GALNT14: variants seen among roughly 807,000 people sequenced by gnomAD.
GALNT14 encodes the protein UDP-GalNAc:polypeptide N-acetylgalactosaminyltransferase 14.
In GALNT14, 60 loss-of-function variants were observed where a neutral mutation model predicts 77.5. That is an observed-to-expected ratio of 0.77 (90% CI 0.63 to 0.96). The LOEUF (loss-of-function observed/expected upper bound fraction) is 0.96, where lower values mean the gene tolerates loss of function less well. Among genes scored for constraint, GALNT14 ranks in the 40% least tolerant of loss-of-function variants. The probability of loss-of-function intolerance (pLI) is 0.00; values close to 1 mark genes in which losing one functional copy is unlikely to be tolerated. For missense variants in GALNT14, 710 were observed against 731.0 expected (o/e 0.97, Z 0.33); for synonymous variants, 280 against 281.7 (o/e 0.99, Z 0.06).
At chr2:31,032,437 A>G (rs1672473297) in intron 1 of GALNT14, among the ~76,000 whole-genome samples, 1 of 152,226 alleles carries the variant, frequency 6.6e-6, no homozygotes, top group African/African-American at 2.4e-5. Context: ...CTGCAGTGAA[A>G]GGCAGGGTAT....
In GALNT14 at chr2:30,938,749, T is replaced by TA. The variant is rs1462474072; in HGVS notation, c.931+3451dup. On this transcript the variant is annotated intron_variant, in intron 9 of 14. Transcript: ENST00000349752. The stretch of plus-strand genomic sequence containing the variant: ...CTAACCCATGAAAACCAAGATGGGG[T>TA]AGGGCAAGGGCCATGTGCTATTGAG... Among the ~76,000 whole-genome samples the TA allele has an allele frequency of 6.6e-5, 10 of 152,296 alleles. No homozygotes were observed. In the East Asian group the frequency reaches 1.9e-3, roughly 29 times the overall value.
At chr2:31,011,231 G>A (rs1286960639) in intron 1 of GALNT14, among the ~76,000 whole-genome samples, 1 of 152,210 alleles carries the variant, frequency 6.6e-6, no homozygotes, top group Admixed American at 6.5e-5. Flanking sequence ...CCATTTTACG[G>A]ATCTAATGGA....
At chr2:31,059,486 G>A (rs1256011105) in intron 1 of GALNT14, among the ~76,000 whole-genome samples, 1 of 152,160 alleles carries the variant, frequency 6.6e-6, no homozygotes. Flanking sequence ...ATGGTACGAG[G>A]AGGTGGGGCC....
At chr2:30,997,740 T>A (rs1207204184) in intron 1 of GALNT14, among the ~76,000 whole-genome samples, 3 of 152,232 alleles carry the variant, frequency 2.0e-5, no homozygotes, top group African/African-American at 7.2e-5. Context: ...TGGGGTACAA[T>A]GCGATGTTTT....
intron 9 of GALNT14, among the ~76,000 whole-genome samples, chr2:30,937,976 T>C (rs1010162232): frequency 6.6e-6 from 1 of 152,128 alleles, no homozygotes; most frequent in Non-Finnish European, 1.5e-5. Context: ...GTGATGATTA[T>C]AGGATTTAAA....
intron 1 of GALNT14, among the ~76,000 whole-genome samples, chr2:31,058,279 G>A (rs1674363762): frequency 6.6e-6 from 1 of 152,092 alleles, no homozygotes. Context: ...CCGTGGGAAG[G>A]GAACCACGGC....
At chr2:30,900,934 TGGA>T in the GALNT14 span, among the ~76,000 whole-genome samples, 1 of 152,136 alleles carries the variant, frequency 6.6e-6, no homozygotes, top group South Asian at 2.1e-4. Flanking sequence ...ATCCACCAGC[TGGA>T]GGAGTGGTGA....
intron 8 of GALNT14, 133 bp from the exon 9 acceptor site, chr2:30,942,437 TC>T: frequency 1.6e-6 from 1 of 633,804 alleles, no homozygotes; most frequent in Non-Finnish European, 2.8e-6. Flanking sequence ...AAGAAAACTC[TC>T]ATTTTCTTCC....
intron 1 of GALNT14, among the ~76,000 whole-genome samples, chr2:31,128,838 G>A (rs1678830354): frequency 1.3e-5 from 2 of 152,142 alleles, no homozygotes; most frequent in South Asian, 4.2e-4. Flanking sequence ...CCCAAGCATG[G>A]GTTAAACTTG....
intron 3 of GALNT14, among the ~76,000 whole-genome samples, chr2:30,959,076 C>T (rs1667535996): frequency 6.6e-6 from 1 of 152,172 alleles, no homozygotes; most frequent in African/African-American, 2.4e-5. Flanking sequence ...TGAAGCTGTC[C>T]TGCTCATTCA....
chr2:30,901,743 A>G, the GALNT14 span, among the ~76,000 whole-genome samples: 316 of 152,198 alleles, frequency 2.1e-3, 1 homozygote, highest in African/African-American at 7.0e-3. Context: ...CACACATCAC[A>G]CCAATAAAAC....
chr2:31,023,735 T>C (rs10210300), intron 1 of GALNT14, among the ~76,000 whole-genome samples: 61,104 of 151,724 alleles, frequency 0.4, 12,472 homozygotes, highest in East Asian at 0.55. Context: ...CCCTCCCCTG[T>C]GACACTTCCC....
At chr2:31,095,280 T>C (rs1676943683) in intron 1 of GALNT14, among the ~76,000 whole-genome samples, 1 of 152,160 alleles carries the variant, frequency 6.6e-6, no homozygotes, top group Non-Finnish European at 1.5e-5. Flanking sequence ...AGTCTACAAA[T>C]TTCAACCTTG....
At chr2:31,022,852 A>T (rs1487345413) in intron 1 of GALNT14, among the ~76,000 whole-genome samples, 1 of 152,222 alleles carries the variant, frequency 6.6e-6, no homozygotes, top group Non-Finnish European at 1.5e-5. Context: ...GGATAAGTTC[A>T]TGGGAGCTTA....
chr2:30,927,723 AG>A lies in GALNT14; in HGVS notation c.1151+1671del, dbSNP rs1314902725. ...AGGTGTCATCTGCTGCCAGCGAAAG[AG>A]GGGGGTGGACTAGGGGCTGGGAAGA... On this transcript the variant is annotated intron_variant, in intron 11 of 14. Coordinates refer to ENST00000349752, the MANE Select transcript of GALNT14 (RefSeq NM_024572.4). Among the ~76,000 whole-genome samples, 3 of 152,236 alleles carry A rather than the reference AG, an allele frequency of 2.0e-5. No homozygotes were observed. The East Asian group carries it at 5.8e-4, about 29-fold the overall frequency.
In GALNT14 at chr2:31,138,139, G is replaced by A. The variant is rs1573401974; in HGVS notation, c.-53C>T. 13 of 1,611,944 alleles carry A rather than the reference G, an allele frequency of 8.1e-6. No homozygotes were observed. The highest frequency in any genetic ancestry group is 1.1e-5 in the South Asian group (1 of 90,924). On this transcript the variant is annotated 5_prime_UTR_variant, in exon 1 of 15. Coordinates refer to ENST00000349752, the MANE Select transcript of GALNT14 (RefSeq NM_024572.4). ...GCGCTACGTCCCGGGGGCACCCCCC[G>A]GCGGTCAGGGTTGGCGGGGCAGGAG...
chr2:31,089,750 G>C (rs1676636753), intron 1 of GALNT14, among the ~76,000 whole-genome samples: 1 of 152,062 alleles, frequency 6.6e-6, no homozygotes, highest in Non-Finnish European at 1.5e-5. Flanking sequence ...GACAGGTAAT[G>C]CTAGGGAGCC....
chr2:31,123,015 A>G (rs1274157109), intron 1 of GALNT14, among the ~76,000 whole-genome samples: 1 of 151,984 alleles, frequency 6.6e-6, no homozygotes, highest in African/African-American at 2.4e-5. Flanking sequence ...CCCTGTCTCT[A>G]CTAAAAAATA....
chr2:31,004,343 T>C (rs927800227), intron 1 of GALNT14, among the ~76,000 whole-genome samples: 1 of 152,120 alleles, frequency 6.6e-6, no homozygotes, highest in African/African-American at 2.4e-5. Flanking sequence ...AGGCCAATAC[T>C]GGAAGAGAAC....
Sources: allele counts gnomAD v4.1 joint callset (sites outside exome capture counted in the v4.1 genomes callset), GRCh38; gene constraint gnomAD v4.1.1; transcripts MANE v1.5; gene names NCBI Gene and HGNC (gene_info 2026-07-23, HGNC 2026-07-21).